The following TTC17 variants were observed in gnomAD, a reference collection of about 807,000 sequenced individuals.
The protein encoded by TTC17 is tetratricopeptide repeat domain 17, also known as tetratricopeptide repeat protein 17.
TTC17 carries 58 observed loss-of-function variants against 143.8 expected under a neutral mutation model. That is an observed-to-expected ratio of 0.40 (90% confidence interval 0.33 to 0.50). The LOEUF (loss-of-function observed/expected upper bound fraction) is 0.50, where lower values mean the gene tolerates loss of function less well. Ranked by LOEUF, TTC17 falls within the 20% of genes least tolerant of loss-of-function variation. The pLI is 0.49. For missense variants in TTC17, 1,273 were observed against 1,392.5 expected, an observed-to-expected ratio of 0.91 and a Z score of 1.37; for synonymous variants, 501 against 497.8, an observed-to-expected ratio of 1.01 and a Z score of -0.09.
At chr11:43,422,603 G>C (rs1590394635) in intron 16 of TTC17, among the ~76,000 whole-genome samples, 1 of 152,122 alleles carries the variant, frequency 6.6e-6, no homozygotes, top group African/African-American at 2.4e-5. Context: ...AAAAACCATT[G>C]AAGTATTTTA....
chr11:43,486,091 A>G (rs965260702), intron 21 of TTC17, among the ~76,000 whole-genome samples: 1 of 151,996 alleles, frequency 6.6e-6, no homozygotes, highest in East Asian at 1.9e-4. Context: ...ACATGAATGA[A>G]TCTTAGAAAT....
At chr11:43,467,962 G>T (rs1252608110) in intron 21 of TTC17, among the ~76,000 whole-genome samples, 1 of 134,710 alleles carries the variant, frequency 7.4e-6, no homozygotes, top group African/African-American at 2.9e-5. Context: ...TAATGGCTCA[G>T]AATTTATTTC....
At chr11:43,366,420 C>T (rs987113274) in intron 1 of TTC17, among the ~76,000 whole-genome samples, 1 of 151,366 alleles carries the variant, frequency 6.6e-6, no homozygotes, top group Non-Finnish European at 1.5e-5. Flanking sequence ...GTGGGAGAAT[C>T]GCTTGAGCCC....
intron 1 of TTC17, chr11:43,369,981 T>G (rs972563989): frequency 1.4e-5 from 6 of 425,838 alleles, no homozygotes; most frequent in African/African-American, 2.1e-5. Flanking sequence ...CAAATATATT[T>G]CCAAATCTTG....
At chr11:43,402,591 ACT>A (rs1348022556) in intron 10 of TTC17, among the ~76,000 whole-genome samples, 2 of 152,098 alleles carry the variant, frequency 1.3e-5, no homozygotes, top group African/African-American at 2.4e-5. Context: ...AAAGATTCAA[ACT>A]CTGAAACTTT....
chr11:43,470,814 A>G (rs533661431), intron 21 of TTC17, among the ~76,000 whole-genome samples: 2 of 152,316 alleles, frequency 1.3e-5, no homozygotes, highest in East Asian at 3.9e-4. Flanking sequence ...ATAAGTTCCC[A>G]GGTGATACTG....
chr11:43,365,621 T>C (rs1856305970), intron 1 of TTC17, among the ~76,000 whole-genome samples: 1 of 152,226 alleles, frequency 6.6e-6, no homozygotes, highest in African/African-American at 2.4e-5. Flanking sequence ...TTGCCCTTGC[T>C]CTTTTTCATA....
intron 16 of TTC17, among the ~76,000 whole-genome samples, chr11:43,429,757 A>G (rs144472663): frequency 5.3e-5 from 8 of 152,314 alleles, no homozygotes; most frequent in Non-Finnish European, 1.2e-4. Context: ...TAAGGAGAAA[A>G]TACTATAGAA....
chr11:43,435,997 G>T (rs1947283849), intron 16 of TTC17, among the ~76,000 whole-genome samples: 1 of 152,198 alleles, frequency 6.6e-6, no homozygotes, highest in Non-Finnish European at 1.5e-5. Flanking sequence ...TTGAATCACA[G>T]TAATGATCTG....
At chr11:43,359,659 C>G (rs1442224432) in intron 1 of TTC17, among the ~76,000 whole-genome samples, 1 of 152,212 alleles carries the variant, frequency 6.6e-6, no homozygotes, top group African/African-American at 2.4e-5. Context: ...TTACTCAGGT[C>G]AGCAGTGGCT....
chr11:43,430,892 C>T (rs1383718748), intron 16 of TTC17, among the ~76,000 whole-genome samples: 1 of 151,958 alleles, frequency 6.6e-6, no homozygotes, highest in Non-Finnish European at 1.5e-5. Context: ...ACTCATCAAC[C>T]CGTCATCTAC....
intron 21 of TTC17, among the ~76,000 whole-genome samples, chr11:43,471,362 C>T (rs1163304959): frequency 6.6e-6 from 1 of 152,202 alleles, no homozygotes; most frequent in Non-Finnish European, 1.5e-5. Flanking sequence ...GCCGTCTGCT[C>T]CACCCACTTT....
chr11:43,490,119 G>C, intron 21 of TTC17, 120 bp from the exon 22 acceptor site: 1 of 1,366,230 alleles, frequency 7.3e-7, no homozygotes, highest in Non-Finnish European at 9.9e-7. Context: ...GCTGAGCAGA[G>C]TGCCAGCACT....
intron 13 of TTC17, among the ~76,000 whole-genome samples, chr11:43,406,671 A>T (rs908058479): frequency 6.6e-6 from 1 of 151,996 alleles, no homozygotes; most frequent in African/African-American, 2.4e-5. Context: ...ATTGTTTTGG[A>T]TGCTAGGAAT....
At chr11:43,364,378 G>A (rs868057911) in intron 1 of TTC17, among the ~76,000 whole-genome samples, 1 of 152,076 alleles carries the variant, frequency 6.6e-6, no homozygotes, top group African/African-American at 2.4e-5. Flanking sequence ...GTAAGTGAAG[G>A]CCTGGTTTAA....
intron 1 of TTC17, among the ~76,000 whole-genome samples, chr11:43,364,719 G>A (rs543885868): frequency 1.3e-5 from 2 of 152,296 alleles, no homozygotes; most frequent in African/African-American, 4.8e-5. Context: ...TGTTTATGCT[G>A]TAGGGCAGTG....
intron 21 of TTC17, among the ~76,000 whole-genome samples, chr11:43,461,424 C>T (rs562315531): frequency 1.8e-4 from 26 of 145,184 alleles, no homozygotes; most frequent in African/African-American, 6.5e-4. Context: ...AAACTAGAAG[C>T]CATTGTAACA....
At chr11:43,463,237 C>T (rs1252313102) in intron 21 of TTC17, among the ~76,000 whole-genome samples, 1 of 151,788 alleles carries the variant, frequency 6.6e-6, no homozygotes, top group Admixed American at 6.6e-5. Context: ...TTTACATGCA[C>T]AAGGAAGGAA....
At chr11:43,376,543 G>A (rs933732294) in intron 1 of TTC17, among the ~76,000 whole-genome samples, 1 of 152,174 alleles carries the variant, frequency 6.6e-6, no homozygotes, top group Non-Finnish European at 1.5e-5. Context: ...TTGAGATCTT[G>A]TGTGTTCATT....
Sources: gnomAD v4.1 joint callset for allele counts (sites outside exome capture counted in the v4.1 genomes callset) on GRCh38, gnomAD v4.1.1 for gene constraint, MANE v1.5 for transcripts, NCBI Gene and HGNC (gene_info 2026-07-23, HGNC 2026-07-21) for gene names.